The following SMC1A variants were observed in gnomAD, a reference collection of about 807,000 sequenced individuals.
The protein encoded by SMC1A is structural maintenance of chromosomes 1A.
In SMC1A, 4 loss-of-function variants were observed where a neutral mutation model predicts 94.5. The ratio of observed to expected loss-of-function variants is 0.04; its 90% CI spans 0.02 to 0.10. The LOEUF is 0.10. Among genes scored for constraint, SMC1A ranks in the 10% least tolerant of loss-of-function variants. The probability of loss-of-function intolerance (pLI) is 1.00; values close to 1 mark genes in which losing one functional copy is unlikely to be tolerated. For synonymous variants in SMC1A, 345 were observed against 347.7 expected (o/e 0.99, Z 0.09); for missense variants, 304 against 989.0 (o/e 0.31, Z 9.29).
chrX:53,408,846 A>T (rs966216606), intron 9 of SMC1A, among the ~76,000 whole-genome samples: 23 of 108,605 alleles, frequency 2.1e-4, no homozygotes, highest in Non-Finnish European at 1.7e-4. Flanking sequence ...AAAATAAAAA[A>T]AAAAAAAAAA....
intron 16 of SMC1A, among the ~76,000 whole-genome samples, chrX:53,398,592 G>A (rs1210379865): frequency 4.5e-5 from 5 of 111,015 alleles, no homozygotes; most frequent in Non-Finnish European, 9.4e-5. Context: ...CTTAGCATTT[G>A]GTTAAGTGTT....
Position 53,412,190 on chromosome X carries a change from G to C in SMC1A, c.918C>G (p.Ser306=). 1 of 1,211,246 alleles carries C rather than the reference G, an allele frequency of 8.3e-7. No homozygotes were observed. The highest frequency in any genetic ancestry group is 1.1e-6 in the Non-Finnish European group (1 of 895,110). Residue 306 remains serine, a synonymous_variant, in exon 6 of 25, where the codon TCC becomes TCG. Coordinates refer to ENST00000322213, the MANE Select transcript of SMC1A (RefSeq NM_006306.4). ...PQYIKAKENT[S]HKIKKLEAAK... is the part of the protein sequence containing the mutation. ...CTGCTTCCAGCTTCTTGATTTTGTG[G>C]GAGGTGTTCTCCTTGGCTTTGATGT...
intron 3 of SMC1A, 52 bp downstream of exon 3, chrX:53,414,705 TG>T: frequency 2.7e-6 from 2 of 752,573 alleles, no homozygotes; most frequent in Non-Finnish European, 4.2e-6. Context: ...AGAGTGGGGA[TG>T]GGACATGGTC....
chrX:53,385,811 A>G (rs1373806382), intron 19 of SMC1A, among the ~76,000 whole-genome samples: 5 of 112,206 alleles, frequency 4.5e-5, no homozygotes, highest in African/African-American at 1.6e-4. Context: ...TTTTAGAAAC[A>G]CATAAAGATG....
rs1369059288 is a variant in SMC1A, at chrX:53,405,532, A to G, written c.1872T>C (p.Asp624=). 1 of 1,212,159 alleles carries G rather than the reference A, an allele frequency of 8.2e-7. No homozygotes were observed. Among genetic ancestry groups the G allele is most frequent in the Non-Finnish European group, 1.1e-6 (1 of 895,619 alleles). The change falls in exon 11 of 25, where the codon GAT becomes GAC. Residue 624 remains aspartate (D), a synonymous_variant. Transcript: ENST00000322213. The stretch of plus-strand genomic sequence containing the variant: ...GGCCTCCAAAGGCAATGCGGCGGGC[A>G]TCTTCCACGTTGTCACAGACAAGGG... ...GNALVCDNVE[D]ARRIAFGGHQ... is the part of the protein sequence containing the mutation.
Position 53,376,706 on chromosome X carries a change from C to T in SMC1A, c.*3397G>A, listed in dbSNP as rs2075560999. ...CCTCAAGACTCAGTTCAGGTATCAC[C>T]ACCTAGACTACAGGATGCCTTCTCT... On this transcript the variant is annotated 3_prime_UTR_variant, in exon 25 of 25. Transcript: ENST00000322213. The T allele has an allele frequency of 9.0e-6, 1 of 111,538 alleles. No homozygotes were observed. The highest frequency in any genetic ancestry group is 1.9e-5 in the Non-Finnish European group (1 of 53,113). The allele number at this position is 111,538 out of a possible 1,213,427, so 9.2% of individuals were successfully genotyped here.
chrX:53,384,330 C>A (rs1162016823), intron 19 of SMC1A, among the ~76,000 whole-genome samples: 1 of 106,279 alleles, frequency 9.4e-6, no homozygotes, highest in East Asian at 3.0e-4. Context: ...ATGGCATGAT[C>A]TCTGGTCATT....
In SMC1A at chrX:53,376,980, A is replaced by G. The variant is rs2075561973; in HGVS notation, c.*3123T>C. ...TCCCTACAGCAAGGCTACTGCGTCCACAGTATAAGGGAGTCAAACTAGTTC... is the reference window on the plus strand; with the variant it reads ...TCCCTACAGCAAGGCTACTGCGTCCGCAGTATAAGGGAGTCAAACTAGTTC... On this transcript the variant is annotated 3_prime_UTR_variant, in exon 25 of 25. Transcript: ENST00000322213. 8.9e-6 allele frequency: 1 copy of G among 111,849 alleles called. No individual in the cohort carries two copies. The highest frequency in any genetic ancestry group is 1.9e-5 in the Non-Finnish European group (1 of 53,153). 9.2% of individuals were successfully genotyped at this position (111,849 alleles called of 1,213,427 possible).
chrX:53,410,937 A>AAAAAAAAAAAAAAAAAAAAAAAC (rs2075709734), intron 7 of SMC1A, among the ~76,000 whole-genome samples: 1 of 88,175 alleles, frequency 1.1e-5, no homozygotes, highest in Non-Finnish European at 2.2e-5. Flanking sequence ...AAAAAAAAAA[A>AAAAAAAAAAAAAAAAAAAAAAAC]AAAAAAAAGT....
chrX:53,402,166 C>T (rs1381908477), intron 15 of SMC1A, among the ~76,000 whole-genome samples: 4 of 111,155 alleles, frequency 3.6e-5, no homozygotes, highest in Non-Finnish European at 7.5e-5. Context: ...TTGAGACTGG[C>T]TTGAAGTAGG....
Position 53,392,608 on chromosome X carries a change from C to T in SMC1A, c.2973+2170G>A, listed in dbSNP as rs183617195. On this transcript the variant is annotated intron_variant, in intron 19 of 24. Coordinates refer to ENST00000322213, the MANE Select transcript of SMC1A (RefSeq NM_006306.4). ...GATTACAGGTATGCACCACCATGCCCGGCTAATTTTTGTATTTTTAGTAGA... is the reference window on the plus strand; with the variant it reads ...GATTACAGGTATGCACCACCATGCCTGGCTAATTTTTGTATTTTTAGTAGA... Among the ~76,000 whole-genome samples the T allele has an allele frequency of 2.7e-4, 30 of 110,351 alleles. No individual in the cohort carries two copies. The East Asian group carries it at 7.5e-3, about 28-fold the overall frequency.
At position 53,413,030 on chromosome X, in the gene SMC1A, G is replaced by T; in HGVS notation, c.724C>A (p.Leu242Met). The change falls in exon 5 of 25, where the codon CTG becomes ATG. Residue 242 changes from leucine to methionine, a missense_variant. Leu to Met is a conservative substitution (Grantham distance 15). Coordinates refer to ENST00000322213, the MANE Select transcript of SMC1A (RefSeq NM_006306.4). ...TCGATCTCCTTGTTCTTTGAGGCCA[G>T]TTCCTTGTTGAGCTTCTCAATTTCC... ...EVEIEKLNKE[L>M]ASKNKEIEKD... 1 of 1,211,241 alleles carries T rather than the reference G, an allele frequency of 8.3e-7. No individual in the cohort carries two copies. The highest frequency in any genetic ancestry group is 1.1e-6 in the Non-Finnish European group (1 of 895,101).
chrX:53,422,385 A>C, intron 1 of SMC1A, 107 bp downstream of exon 1: 1 of 581,670 alleles, frequency 1.7e-6, no homozygotes, highest in Non-Finnish European at 3.0e-6. Flanking sequence ...AGGAACCCGT[A>C]AGGGTCCGCG....
At chrX:53,382,412 G>A (rs1317352691) in intron 21 of SMC1A, 29 bp from the exon 22 acceptor site, 4 of 1,199,860 alleles carry the variant, frequency 3.3e-6, no homozygotes, top group African/African-American at 1.7e-5. Context: ...GTCAGGATCT[G>A]TATCTGAGAC....
chrX:53,387,100 ATTC>A (rs1556886537), intron 19 of SMC1A, among the ~76,000 whole-genome samples: 2 of 111,960 alleles, frequency 1.8e-5, no homozygotes, highest in Non-Finnish European at 3.8e-5. Flanking sequence ...GGTTCACACC[ATTC>A]TTCTGCCTCA....
At position 53,379,013 on chromosome X, in the gene SMC1A, T is replaced by C. The variant is rs1332480717; in HGVS notation, c.*1090A>G. ...GCAGGGCATTCAGCACCTTCCAGAT[T>C]TGGAGGCTTCTTCTGTCCCTAATAG... On this transcript the variant is annotated 3_prime_UTR_variant, in exon 25 of 25. Transcript: ENST00000322213. 3 of 111,717 alleles carry C rather than the reference T, an allele frequency of 2.7e-5. No individual in the cohort carries two copies. The highest frequency in any genetic ancestry group is 9.8e-5 in the African/African-American group (3 of 30,723). 9.2% of individuals were successfully genotyped at this position (111,717 alleles called of 1,213,427 possible). A position where few individuals can be genotyped will look rare whatever the true frequency, so the allele number is the denominator to read the frequency against.
intron 1 of SMC1A, among the ~76,000 whole-genome samples, chrX:53,416,810 T>TA (rs1470422019): frequency 8.9e-6 from 1 of 111,845 alleles, no homozygotes; most frequent in Non-Finnish European, 1.9e-5. Context: ...TAAAAATGGT[T>TA]AATTTAGGAA....
rs1556886052 is a variant in SMC1A, at chrX:53,382,675, G to A, written c.3131-15C>T. On this transcript the variant is annotated splice_polypyrimidine_tract_variant and intron_variant, in intron 20 of 24. Transcript: ENST00000322213. ...TGCTTCAAACTCTGCCAGAAAGAAA[G>A]ACAGGAGACCCCTCAGTGCCCTGGC... The A allele has an allele frequency of 3.3e-6, 4 of 1,210,954 alleles. No individual in the cohort carries two copies. The highest frequency in any genetic ancestry group is 4.5e-6 in the Non-Finnish European group (4 of 895,257).
In SMC1A at chrX:53,382,572, A is replaced by G. The variant is rs781994078; in HGVS notation, c.3219T>C (p.Cys1073=). The G allele has an allele frequency of 2.5e-6, 3 of 1,211,389 alleles. No individual in the cohort carries two copies. In the Admixed American group the frequency reaches 6.5e-5, roughly 26 times the overall value. ...KKERFDRFNA[C]FESVATNIDE... ...CAATGTTGGTAGCCACAGATTCAAA[A>G]CAAGCATTGAAGCGGTCAAAGCGCT... Residue 1073 remains cysteine, a synonymous_variant, in exon 21 of 25, where the codon TGT becomes TGC. Coordinates refer to ENST00000322213, the MANE Select transcript of SMC1A (RefSeq NM_006306.4).
Sources: allele counts gnomAD v4.1 joint callset (sites outside exome capture counted in the v4.1 genomes callset), GRCh38; gene constraint gnomAD v4.1.1; transcripts MANE v1.5; gene names NCBI Gene and HGNC (gene_info 2026-07-23, HGNC 2026-07-21).